Variants in NBAS observed in about 807,000 individuals in gnomAD.
NBAS encodes NBAS subunit of NRZ tethering complex.
A neutral mutation model predicts 302.5 loss-of-function variants in NBAS; 219 were observed. The observed-to-expected ratio is 0.72, with a 90% confidence interval of 0.65 to 0.81. The LOEUF is 0.81. Among genes scored for constraint, NBAS ranks in the 30% least tolerant of loss-of-function variants. The pLI is 0.00. For synonymous variants in NBAS, 1,118 were observed against 1,021.6 expected (o/e 1.09, Z -1.80); for missense variants, 2,932 against 2,841.6 (o/e 1.03, Z -0.72).
intron 1 of NBAS, 142 bp from the exon 2 acceptor site, chr2:15,558,776 A>G: frequency 1.4e-6 from 1 of 704,012 alleles, no homozygotes. Flanking sequence ...AAAACTACTT[A>G]AAGACTGGAT....
chr2:15,468,655 T>C lies in NBAS; in HGVS notation c.1726-122A>G, dbSNP rs1320787733. ...TTACAGCTATTTAGGACCTTGGCCA[T>C]AGGGAGCTGCTAGAGGAACTCAAGA... On this transcript the variant is annotated intron_variant, in intron 16 of 51. Coordinates refer to ENST00000281513, the MANE Select transcript of NBAS (RefSeq NM_015909.4). The C allele has an allele frequency of 6.1e-6, 7 of 1,141,972 alleles. No homozygotes were observed. In the Middle Eastern group the frequency reaches 6.1e-4, roughly 99 times the overall value. The allele number at this position is 1,141,972 out of a possible 1,614,324, so 70.7% of individuals were successfully genotyped here.
At chr2:15,122,949 C>T in the NBAS span, among the ~76,000 whole-genome samples, 1 of 145,414 alleles carries the variant, frequency 6.9e-6, no homozygotes, top group African/African-American at 2.7e-5. Context: ...TGTGGTAGGA[C>T]TCACATTCCC....
chr2:14,983,670 T>G, the NBAS span, among the ~76,000 whole-genome samples: 1 of 152,188 alleles, frequency 6.6e-6, no homozygotes, highest in African/African-American at 2.4e-5. Context: ...AGGGACAGAA[T>G]TAATAACTGC....
the NBAS span, among the ~76,000 whole-genome samples, chr2:14,984,759 G>T: frequency 6.6e-6 from 1 of 152,246 alleles, no homozygotes; most frequent in Non-Finnish European, 1.5e-5. Flanking sequence ...CATCCAGAAT[G>T]CTGATTAGTC....
the NBAS span, among the ~76,000 whole-genome samples, chr2:14,884,062 C>G: frequency 1.3e-5 from 2 of 151,926 alleles, no homozygotes; most frequent in African/African-American, 4.8e-5. Flanking sequence ...TGATAACTAC[C>G]CAGTGGTTAC....
At chr2:15,439,092 G>C (rs945046386) in intron 21 of NBAS, among the ~76,000 whole-genome samples, 1 of 152,006 alleles carries the variant, frequency 6.6e-6, no homozygotes, top group African/African-American at 2.4e-5. Context: ...TCTGCAGATC[G>C]AGACCATCCT....
intron 44 of NBAS, among the ~76,000 whole-genome samples, chr2:15,244,516 C>A (rs763811125): frequency 4.6e-5 from 7 of 152,180 alleles, no homozygotes; most frequent in African/African-American, 1.7e-4. Flanking sequence ...GCCTCACAGT[C>A]GTGTCTGCCA....
At chr2:15,070,176 C>G in the NBAS span, among the ~76,000 whole-genome samples, 6,035 of 152,272 alleles carry the variant, frequency 0.04, 195 homozygotes, top group Non-Finnish European at 0.06. Flanking sequence ...AACAAAATGA[C>G]TAGGTAGAGT....
the NBAS span, among the ~76,000 whole-genome samples, chr2:14,784,696 G>A: frequency 6.6e-6 from 1 of 152,142 alleles, no homozygotes; most frequent in Non-Finnish European, 1.5e-5. Flanking sequence ...TTTGGTACCA[G>A]TACCATGCTG....
chr2:14,876,381 T>G, the NBAS span, among the ~76,000 whole-genome samples: 1 of 152,216 alleles, frequency 6.6e-6, no homozygotes, highest in Non-Finnish European at 1.5e-5. Context: ...AGTTTCCTTA[T>G]GTCTCCACTC....
chr2:15,207,231 C>G (rs1180883345), intron 48 of NBAS, among the ~76,000 whole-genome samples: 1 of 152,188 alleles, frequency 6.6e-6, no homozygotes, highest in East Asian at 1.9e-4. Flanking sequence ...AATTTAATGA[C>G]TGCCCTGTTG....
In NBAS at chr2:15,275,749, C is replaced by A; in HGVS notation, c.5459G>T (p.Ser1820Ile). Residue 1820 changes from serine to isoleucine, a missense_variant, in exon 44 of 52, where the codon AGT (serine) becomes ATT (isoleucine). Coordinates refer to ENST00000281513, the MANE Select transcript of NBAS (RefSeq NM_015909.4). The part of the protein sequence containing the change: ...PLEALEPVLS[S>I]QNILSISKLV... ...TTTGGAAATAGACAAGATATTTTGA[C>A]TTGAAAGAACTGGCTCCAATGCTTC... 6.2e-7 allele frequency: 1 copy of A among 1,614,128 alleles called. No homozygotes were observed. Among genetic ancestry groups the A allele is most frequent in the East Asian group, 2.2e-5 (1 of 44,886 alleles).
the NBAS span, among the ~76,000 whole-genome samples, chr2:14,814,064 G>A: frequency 2.0e-5 from 3 of 152,242 alleles, 1 homozygote; most frequent in African/African-American, 7.2e-5. Context: ...GAAGGTAAGA[G>A]TTGAGGTTGA....
chr2:15,308,231 G>A lies in NBAS; in HGVS notation c.4782C>T (p.Cys1594=), dbSNP rs769302285. The A allele has an allele frequency of 6.2e-7, 1 of 1,614,140 alleles. No homozygotes were observed. The highest frequency in any genetic ancestry group is 2.2e-5 in the East Asian group (1 of 44,876). The change falls in exon 40 of 52, where the codon TGC becomes TGT. Residue 1594 remains cysteine (C), a synonymous_variant. Coordinates refer to ENST00000281513, the MANE Select transcript of NBAS (RefSeq NM_015909.4). The part of the protein sequence containing the change: ...ARLAPCFRDK[C]HPLYRADPKE... ...GAAGACTCACCCTGTAAAGAGGATG[G>A]CACTTGTCCCTGAAACATGGGGCCA...
Position 15,190,363 on chromosome 2 carries a change from C to T in NBAS, c.6473G>A (p.Cys2158Tyr), listed in dbSNP as rs1224663840. Residue 2158 changes from cysteine to tyrosine, a missense_variant, in exon 49 of 52, where the codon TGT becomes TAT. By Grantham distance (194) the Cys-to-Tyr change is radical (BLOSUM62 -2). Coordinates refer to ENST00000281513, the MANE Select transcript of NBAS (RefSeq NM_015909.4). ...ADIENEENRYCLFMELLESSH... is the reference protein window; with the variant it reads ...ADIENEENRYYLFMELLESSH... ...AGATTCCAGGAGTTCCATGAATAGA[C>T]AGTAGCGGTTCTCTTCATTCTCAAT... 30 of 1,613,878 alleles carry T rather than the reference C, an allele frequency of 1.9e-5. No homozygotes were observed. The highest frequency in any genetic ancestry group is 2.4e-5 in the Non-Finnish European group (28 of 1,179,916).
At chr2:15,175,427 T>G (rs1333596551) in intron 51 of NBAS, among the ~76,000 whole-genome samples, 5 of 152,168 alleles carry the variant, frequency 3.3e-5, no homozygotes, top group Non-Finnish European at 5.9e-5. Context: ...AATGGGAATT[T>G]TCAGCATACA....
At chr2:15,494,703 A>C (rs1681001146) in intron 11 of NBAS, among the ~76,000 whole-genome samples, 1 of 152,212 alleles carries the variant, frequency 6.6e-6, no homozygotes, top group Admixed American at 6.5e-5. Flanking sequence ...AAGACAATAA[A>C]GAGTGATGTT....
chr2:15,138,957 T>C, the NBAS span, among the ~76,000 whole-genome samples: 4 of 152,206 alleles, frequency 2.6e-5, no homozygotes, highest in African/African-American at 9.7e-5. Context: ...TTCTCTCAAT[T>C]GCCTTTGGGA....
the NBAS span, among the ~76,000 whole-genome samples, chr2:15,147,436 A>T: frequency 2.0e-5 from 3 of 152,144 alleles, no homozygotes; most frequent in African/African-American, 7.2e-5. Context: ...TCTACTAAAA[A>T]TACAAAATTA....
Sources: gnomAD v4.1 joint callset for allele counts (sites outside exome capture counted in the v4.1 genomes callset) on GRCh38, gnomAD v4.1.1 for gene constraint, MANE v1.5 for transcripts, NCBI Gene and HGNC (gene_info 2026-07-23, HGNC 2026-07-21) for gene names.